Variants in ITGA8 observed in about 807,000 individuals in gnomAD.
ITGA8 encodes the protein integrin subunit alpha 8.
In ITGA8, 91 loss-of-function variants were observed where a neutral mutation model predicts 142.3. The observed-to-expected ratio is 0.64, with a 90% CI of 0.54 to 0.76. The LOEUF is 0.76. ITGA8 is among the 30% of genes least tolerant of loss of function. ITGA8 has a pLI of 0.00. For synonymous variants in ITGA8, 505 were observed against 485.2 expected (o/e 1.04, Z -0.54); for missense variants, 1,406 against 1,327.7 (o/e 1.06, Z -0.92).
At chr10:15,554,928 C>T (rs1272273545) in intron 26 of ITGA8, among the ~76,000 whole-genome samples, 1 of 152,052 alleles carries the variant, frequency 6.6e-6, no homozygotes, top group East Asian at 1.9e-4. Context: ...CAAATCCTTT[C>T]TTAAACTTTA....
chr10:15,706,475 C>T (rs1036935536), intron 2 of ITGA8, among the ~76,000 whole-genome samples: 2 of 152,098 alleles, frequency 1.3e-5, no homozygotes, highest in Admixed American at 6.5e-5. Context: ...TCCTGTCACT[C>T]ACTCTGTCAG....
At chr10:15,670,844 C>T (rs914958597) in intron 8 of ITGA8, among the ~76,000 whole-genome samples, 8 of 152,160 alleles carry the variant, frequency 5.3e-5, no homozygotes, top group Admixed American at 3.3e-4. Flanking sequence ...AAGCCAATCT[C>T]GTTTCACTAT....
chr10:15,535,854 C>A (rs1052841452), intron 27 of ITGA8, among the ~76,000 whole-genome samples: 2 of 152,136 alleles, frequency 1.3e-5, no homozygotes, highest in Admixed American at 1.3e-4. Flanking sequence ...GCTGCTGCTC[C>A]CTCTTTGGGT....
intron 23 of ITGA8, among the ~76,000 whole-genome samples, 158 bp downstream of exon 23, chr10:15,586,426 G>A (rs892360384): frequency 2.0e-5 from 3 of 152,082 alleles, no homozygotes. Context: ...GCTTTCCAAT[G>A]GAAGGCTAAT....
chr10:15,679,562 A>G (rs1238309965), intron 4 of ITGA8, among the ~76,000 whole-genome samples: 1 of 152,216 alleles, frequency 6.6e-6, no homozygotes, highest in African/African-American at 2.4e-5. Context: ...AGCCTGGGTG[A>G]CAGAGCAAGA....
chr10:15,527,906 C>CTTTTTTTTT lies in ITGA8; in HGVS notation c.2982+3135_2982+3143dup, dbSNP rs34758919. On this transcript the variant is annotated intron_variant, in intron 28 of 29. Coordinates refer to ENST00000378076, the MANE Select transcript of ITGA8 (RefSeq NM_003638.3). ...TTAAAGCAATTCCCTTTCGGCTGGG[C>CTTTTTTTTT]TTTTTTTTTTTTTTTTTTTTTTTTT... is the stretch of plus-strand genomic sequence containing the variant. Among the ~76,000 whole-genome samples, 6 of 78,060 alleles carry CTTTTTTTTT rather than the reference C, an allele frequency of 7.7e-5. 3 individuals are homozygous for CTTTTTTTTT. The allele number at this position is 78,060 out of a possible 152,430, so 51.2% of individuals were successfully genotyped here.
intron 13 of ITGA8, among the ~76,000 whole-genome samples, chr10:15,626,588 G>A (rs1002171975): frequency 6.6e-6 from 1 of 152,030 alleles, no homozygotes; most frequent in Non-Finnish European, 1.5e-5. Context: ...CTGCACCCTC[G>A]ATTCCCTTGT....
chr10:15,621,503 C>T (rs1436821435), intron 13 of ITGA8, among the ~76,000 whole-genome samples: 2 of 151,970 alleles, frequency 1.3e-5, no homozygotes, highest in Non-Finnish European at 2.9e-5. Context: ...TAAAGTGGTG[C>T]TTGGTTTGCA....
At chr10:15,545,064 T>C (rs1304592484) in intron 27 of ITGA8, among the ~76,000 whole-genome samples, 2 of 152,206 alleles carry the variant, frequency 1.3e-5, no homozygotes, top group African/African-American at 4.8e-5. Flanking sequence ...CATAGCCAGA[T>C]TCCTGACTCA....
chr10:15,660,195 C>G (rs988227308), intron 9 of ITGA8, among the ~76,000 whole-genome samples: 1 of 152,150 alleles, frequency 6.6e-6, no homozygotes, highest in African/African-American at 2.4e-5. Context: ...GTAGGACCAG[C>G]CTTGTGGGTA....
chr10:15,585,745 T>A (rs1832816734), intron 23 of ITGA8, among the ~76,000 whole-genome samples: 1 of 152,200 alleles, frequency 6.6e-6, no homozygotes, highest in African/African-American at 2.4e-5. Context: ...TTGCAGCTGG[T>A]AGTCATTTCC....
At chr10:15,575,706 G>T (rs1423054990) in intron 23 of ITGA8, 112 bp from the exon 24 acceptor site, 6 of 761,852 alleles carry the variant, frequency 7.9e-6, no homozygotes, top group Non-Finnish European at 1.4e-5. Flanking sequence ...ATTTATTTGA[G>T]TAGATACTCC....
chr10:15,610,430 G>T (rs1833272517), intron 15 of ITGA8, among the ~76,000 whole-genome samples: 2 of 152,058 alleles, frequency 1.3e-5, no homozygotes, highest in South Asian at 2.1e-4. Context: ...CATTAAATTA[G>T]AATTAAAATT....
At chr10:15,605,667 C>A (rs1328609204) in intron 19 of ITGA8, 57 bp downstream of exon 19, 11 of 1,394,796 alleles carry the variant, frequency 7.9e-6, no homozygotes, top group Admixed American at 3.4e-5. Flanking sequence ...AGAACCTTTA[C>A]ATAAATACCT....
chr10:15,670,832 C>T (rs923594017), intron 8 of ITGA8, among the ~76,000 whole-genome samples: 1 of 152,160 alleles, frequency 6.6e-6, no homozygotes, highest in Non-Finnish European at 1.5e-5. Context: ...AGACTTTGCT[C>T]GAAGCCAATC....
chr10:15,634,999 CTTTCTTTTTTTTTTT>C (rs1271787730), intron 13 of ITGA8, among the ~76,000 whole-genome samples: 69 of 134,274 alleles, frequency 5.1e-4, no homozygotes, highest in African/African-American at 1.9e-3. Context: ...TTCTTTCTTT[CTTTCTTTTTTTTTTT>C]TTTTTTTTTT....
intron 13 of ITGA8, among the ~76,000 whole-genome samples, chr10:15,635,120 C>A (rs1833751325): frequency 6.7e-6 from 1 of 150,234 alleles, no homozygotes; most frequent in Non-Finnish European, 1.5e-5. Flanking sequence ...GATTCTCCTG[C>A]CTCAGTCTCC....
chr10:15,677,264 A>C lies in ITGA8; in HGVS notation c.676+328T>G, dbSNP rs113370004. Among the ~76,000 whole-genome samples the C allele has an allele frequency of 1.5e-3, 225 of 152,324 alleles. 1 individual carries two copies. Among genetic ancestry groups the C allele is most frequent in the Non-Finnish European group, 2.4e-3 (162 of 68,028 alleles). ...TATAGTTAACAACAATTTATCTCAT[A>C]TTTTTAAATAGCTAGAAGAGATTTA... is the stretch of plus-strand genomic sequence containing the variant. On this transcript the variant is annotated intron_variant, in intron 6 of 29. Coordinates refer to ENST00000378076, the MANE Select transcript of ITGA8 (RefSeq NM_003638.3).
intron 2 of ITGA8, among the ~76,000 whole-genome samples, chr10:15,701,003 G>A (rs185470889): frequency 1.3e-5 from 2 of 152,298 alleles, no homozygotes; most frequent in Admixed American, 6.5e-5. Context: ...CCACAGAGAT[G>A]TTGTCTGCTT....
Sources: gnomAD v4.1 joint callset for allele counts (sites outside exome capture counted in the v4.1 genomes callset) on GRCh38, gnomAD v4.1.1 for gene constraint, MANE v1.5 for transcripts, NCBI Gene and HGNC (gene_info 2026-07-23, HGNC 2026-07-21) for gene names.